Variants in RAB6A observed in about 807,000 individuals in gnomAD.
RAB6A encodes the protein RAB6A, member RAS oncogene family.
A neutral mutation model predicts 32.3 loss-of-function variants in RAB6A; 8 were observed. The observed-to-expected ratio is 0.25, with a 90% confidence interval of 0.15 to 0.45. The LOEUF is 0.45. RAB6A is among the 20% of genes least tolerant of loss of function. The probability of loss-of-function intolerance (pLI) is 1.00; values close to 1 mark genes in which losing one functional copy is unlikely to be tolerated. For missense variants in RAB6A, 104 were observed against 249.4 expected (o/e 0.42, Z 3.93); for synonymous variants, 73 against 82.1 (o/e 0.89, Z 0.60).
intron 1 of RAB6A, among the ~76,000 whole-genome samples, chr11:73,749,587 T>C (rs1946643237): frequency 6.6e-6 from 1 of 152,176 alleles, no homozygotes; most frequent in Non-Finnish European, 1.5e-5. Context: ...CTCATGACTG[T>C]AATCTCAGCC....
chr11:73,720,210 C>T lies in RAB6A; in HGVS notation c.183+636G>A, dbSNP rs572705096. On this transcript the variant is annotated intron_variant, in intron 3 of 7. Coordinates refer to ENST00000336083, the MANE Select transcript of RAB6A (RefSeq NM_198896.2). ...TTTTTTTTTTTTTGCAACGGAGTTT[C>T]GCTCTTGTTGCCCAGGCTAGAGTGC... Among the ~76,000 whole-genome samples, 9 of 126,426 alleles carry T rather than the reference C, an allele frequency of 7.1e-5. No individual in the cohort carries two copies. In the Admixed American group the frequency reaches 8.3e-4, roughly 12 times the overall value. The allele number at this position is 126,426 out of a possible 152,430, so 82.9% of individuals were successfully genotyped here.
At chr11:73,693,304 A>C (rs140333357) in intron 6 of RAB6A, among the ~76,000 whole-genome samples, 1,872 of 151,972 alleles carry the variant, frequency 0.012, 23 homozygotes, top group Middle Eastern at 0.041. Context: ...ATAAATAAAT[A>C]AATAAATAAA....
At chr11:73,749,145 A>C (rs1417328121) in intron 1 of RAB6A, among the ~76,000 whole-genome samples, 1 of 152,100 alleles carries the variant, frequency 6.6e-6, no homozygotes, top group East Asian at 1.9e-4. Context: ...AAAAAAAGAA[A>C]TGTGGTATAC....
intron 1 of RAB6A, among the ~76,000 whole-genome samples, chr11:73,756,457 G>A (rs1240550141): frequency 6.6e-6 from 1 of 152,120 alleles, no homozygotes; most frequent in African/African-American, 2.4e-5. Context: ...AAAAAGAAAA[G>A]GCAATATAAA....
chr11:73,756,917 G>T (rs1283989189), intron 1 of RAB6A, among the ~76,000 whole-genome samples: 1 of 150,558 alleles, frequency 6.6e-6, no homozygotes, highest in African/African-American at 2.4e-5. Flanking sequence ...CAGGTGATTT[G>T]CCTGCCTCGG....
intron 6 of RAB6A, among the ~76,000 whole-genome samples, chr11:73,701,659 TG>T (rs201009038): frequency 0.021 from 3,161 of 152,250 alleles, 107 homozygotes; most frequent in African/African-American, 0.071. Context: ...TCGTGTTTTT[TG>T]TTTTTTATTT....
At position 73,677,561 on chromosome 11, in the gene RAB6A, C is replaced by T. The variant is rs1162349646; in HGVS notation, c.*337G>A. On this transcript the variant is annotated 3_prime_UTR_variant, in exon 8 of 8. Coordinates refer to ENST00000336083, the MANE Select transcript of RAB6A (RefSeq NM_198896.2). ...TGAACATACCGCTCGTTAACCAAGC[C>T]ATACTCATACTGTTGAGATTTCCAT... 5.6e-6 allele frequency: 3 copies of T among 533,014 alleles called. No individual in the cohort carries two copies. Among genetic ancestry groups the T allele is most frequent in the East Asian group, 6.6e-5 (2 of 30,508 alleles). 33.0% of individuals were successfully genotyped at this position (533,014 alleles called of 1,614,324 possible).
At chr11:73,731,687 T>A (rs1205064536) in intron 1 of RAB6A, among the ~76,000 whole-genome samples, 1 of 4,106 alleles carries the variant, frequency 2.4e-4, no homozygotes, top group Non-Finnish European at 5.9e-4. Context: ...ATAGATATTA[T>A]ATATATATAT....
chr11:73,714,652 A>C (rs1282437238), intron 5 of RAB6A, among the ~76,000 whole-genome samples: 2 of 149,864 alleles, frequency 1.3e-5, no homozygotes, highest in Non-Finnish European at 3.0e-5. Context: ...ACAATGCGAG[A>C]CTCCAACTCA....
intron 4 of RAB6A, among the ~76,000 whole-genome samples, chr11:73,718,005 T>C (rs935454008): frequency 1.3e-5 from 2 of 152,204 alleles, no homozygotes; most frequent in African/African-American, 4.8e-5. Flanking sequence ...GACTACTAGT[T>C]GTTTCACCTC....
At chr11:73,722,525 G>A (rs1258168548) in intron 2 of RAB6A, 1 of 150,752 alleles carries the variant, frequency 6.6e-6, no homozygotes, top group Non-Finnish European at 1.5e-5. Context: ...TATAGAGACA[G>A]GGTTTTGCCA....
intron 6 of RAB6A, among the ~76,000 whole-genome samples, chr11:73,689,956 T>C (rs933037386): frequency 3.7e-4 from 54 of 145,256 alleles, no homozygotes; most frequent in African/African-American, 1.3e-3. Context: ...TGGCTCAAAA[T>C]AGACCTCTTT....
intron 2 of RAB6A, among the ~76,000 whole-genome samples, chr11:73,726,195 G>T (rs1946216122): frequency 6.6e-6 from 1 of 150,700 alleles, no homozygotes; most frequent in Non-Finnish European, 1.5e-5. Context: ...TGAGGCAGGA[G>T]AATCGCTTGA....
chr11:73,687,505 A>T (rs1945478339), intron 6 of RAB6A, among the ~76,000 whole-genome samples: 1 of 151,888 alleles, frequency 6.6e-6, no homozygotes, highest in Non-Finnish European at 1.5e-5. Context: ...CTCGCTAAAT[A>T]TTTTCTGGAC....
At chr11:73,741,151 C>T (rs555024092) in intron 1 of RAB6A, among the ~76,000 whole-genome samples, 161 of 151,742 alleles carry the variant, frequency 1.1e-3, no homozygotes, top group African/African-American at 3.8e-3. Context: ...TTCCCCCCAC[C>T]CCCCCAACAG....
At chr11:73,742,004 G>A (rs1389524197) in intron 1 of RAB6A, among the ~76,000 whole-genome samples, 1 of 152,106 alleles carries the variant, frequency 6.6e-6, no homozygotes, top group Non-Finnish European at 1.5e-5. Context: ...AAAATAGGCT[G>A]GGCATGGTGG....
chr11:73,705,922 T>C (rs7940050), intron 6 of RAB6A, among the ~76,000 whole-genome samples: 5,853 of 152,152 alleles, frequency 0.038, 151 homozygotes, highest in Middle Eastern at 0.071. Context: ...AGAGAAAATG[T>C]TGCTGAGGAG....
At chr11:73,697,809 G>GAGGT (rs1945679011) in intron 6 of RAB6A, among the ~76,000 whole-genome samples, 1 of 152,230 alleles carries the variant, frequency 6.6e-6, no homozygotes, top group African/African-American at 2.4e-5. Flanking sequence ...AGGCATGCAG[G>GAGGT]AGGTGATCAA....
intron 1 of RAB6A, among the ~76,000 whole-genome samples, chr11:73,732,918 T>C (rs906080862): frequency 1.3e-5 from 2 of 151,962 alleles, no homozygotes; most frequent in Non-Finnish European, 2.9e-5. Flanking sequence ...GTTCAAGCAA[T>C]TCTCCTGTCT....
Sources: allele counts gnomAD v4.1 joint callset (sites outside exome capture counted in the v4.1 genomes callset), GRCh38; gene constraint gnomAD v4.1.1; transcripts MANE v1.5; gene names NCBI Gene and HGNC (gene_info 2026-07-23, HGNC 2026-07-21).